The following MAGI2 variants were observed in gnomAD, a reference collection of about 807,000 sequenced individuals.
MAGI2 encodes membrane-associated guanylate kinase, WW and PDZ domain-containing protein 2.
A neutral mutation model predicts 133.3 loss-of-function variants in MAGI2; 35 were observed. The observed-to-expected ratio is 0.26, with a 90% CI of 0.20 to 0.35. The LOEUF is 0.35. MAGI2 is among the 10% of genes least tolerant of loss of function. The pLI is 1.00. For synonymous variants in MAGI2, 729 were observed against 710.6 expected, an observed-to-expected ratio of 1.03 and a Z score of -0.41; for missense variants, 1,636 against 1,863.4, an observed-to-expected ratio of 0.88 and a Z score of 2.25.
rs1357339838 is a variant in MAGI2 at position 78,848,256 on chromosome 7, G to A, written c.418+158834C>T. Among the ~76,000 whole-genome samples, 14 of 151,724 alleles carry A rather than the reference G, an allele frequency of 9.2e-5. No individual in the cohort carries two copies. In the East Asian group the frequency reaches 1.4e-3, roughly 15 times the overall value. The stretch of plus-strand genomic sequence containing the variant: ...TCTAGAGCTCTCCTGAGCCACTGCC[G>A]TCCACCTAGTTGCTCAAGTCCCAAA... On this transcript the variant is annotated intron_variant, in intron 2 of 21. Coordinates refer to ENST00000354212, the MANE Select transcript of MAGI2 (RefSeq NM_012301.4).
intron 1 of MAGI2, among the ~76,000 whole-genome samples, chr7:79,191,591 T>A (rs1021079840): frequency 2.0e-5 from 3 of 151,154 alleles, no homozygotes; most frequent in Non-Finnish European, 3.0e-5. Flanking sequence ...CCTGAACATT[T>A]CTTTTAAAAT....
At chr7:78,444,879 A>G (rs924164420) in intron 6 of MAGI2, among the ~76,000 whole-genome samples, 1 of 146,854 alleles carries the variant, frequency 6.8e-6, no homozygotes, top group African/African-American at 2.5e-5. Flanking sequence ...ATTTATATTT[A>G]TATGTATACA....
chr7:78,195,141 T>C, intron 11 of MAGI2, 78 bp from the exon 12 acceptor site: 2 of 1,243,270 alleles, frequency 1.6e-6, no homozygotes, highest in Non-Finnish European at 1.1e-6. Flanking sequence ...TAGGTTAACC[T>C]TTTTTGCCTT....
chr7:79,064,903 C>T (rs1277865578), intron 1 of MAGI2, among the ~76,000 whole-genome samples: 1 of 152,064 alleles, frequency 6.6e-6, no homozygotes, highest in Non-Finnish European at 1.5e-5. Flanking sequence ...CTCTTTGCCC[C>T]ACTTTGGTCA....
At chr7:79,054,975 T>C (rs1813011259) in intron 1 of MAGI2, among the ~76,000 whole-genome samples, 1 of 152,172 alleles carries the variant, frequency 6.6e-6, no homozygotes, top group South Asian at 2.1e-4. Context: ...GCATTTTTAG[T>C]AAAGACGGGG....
chr7:78,289,733 G>T (rs1345269842), intron 9 of MAGI2, among the ~76,000 whole-genome samples: 8 of 152,282 alleles, frequency 5.3e-5, no homozygotes, highest in African/African-American at 1.7e-4. Context: ...ACAAAAGGAA[G>T]CCCGTCAGAC....
intron 2 of MAGI2, among the ~76,000 whole-genome samples, chr7:78,693,298 A>G (rs1817161409): frequency 6.6e-6 from 1 of 152,148 alleles, no homozygotes; most frequent in Admixed American, 6.5e-5. Flanking sequence ...GGCATTTACT[A>G]TTAGTATTGG....
At chr7:78,620,681 G>A (rs1401970955) in intron 3 of MAGI2, among the ~76,000 whole-genome samples, 1 of 151,958 alleles carries the variant, frequency 6.6e-6, no homozygotes, top group Non-Finnish European at 1.5e-5. Flanking sequence ...TTTGTACTAT[G>A]TTGTGTCAGA....
At chr7:78,475,603 T>C (rs953786696) in intron 6 of MAGI2, among the ~76,000 whole-genome samples, 19 of 151,818 alleles carry the variant, frequency 1.3e-4, no homozygotes, top group Admixed American at 2.0e-4. Context: ...TGAAATTATC[T>C]AGAAATAATA....
intron 2 of MAGI2, among the ~76,000 whole-genome samples, chr7:78,780,779 G>A (rs138151083): frequency 6.2e-4 from 94 of 152,326 alleles, no homozygotes; most frequent in African/African-American, 2.1e-3. Context: ...GGCCATTAGG[G>A]AAACCTGAAC....
intron 12 of MAGI2, among the ~76,000 whole-genome samples, chr7:78,192,132 T>A (rs919966354): frequency 2.0e-5 from 3 of 152,096 alleles, no homozygotes; most frequent in Admixed American, 2.0e-4. Context: ...AAGGACACCA[T>A]GAGATCACTA....
chr7:79,002,934 C>T lies in MAGI2; in HGVS notation c.418+4156G>A, dbSNP rs1313395517. ...TGTTTTTTTTTTTTTTAGAATTAGGCGGGCTCTGAGATAAGGTTCTAGGGA... is the reference window on the plus strand; with the variant it reads ...TGTTTTTTTTTTTTTTAGAATTAGGTGGGCTCTGAGATAAGGTTCTAGGGA... On this transcript the variant is annotated intron_variant, in intron 2 of 21. Transcript: ENST00000354212. Among the ~76,000 whole-genome samples the T allele has an allele frequency of 4.3e-5, 6 of 139,580 alleles. No individual in the cohort carries two copies. In the South Asian group the frequency reaches 8.9e-4, roughly 21 times the overall value. The allele number at this position is 139,580 out of a possible 152,430, so 91.6% of individuals were successfully genotyped here.
chr7:78,967,095 G>T (rs554463991), intron 2 of MAGI2, among the ~76,000 whole-genome samples: 15 of 151,646 alleles, frequency 9.9e-5, no homozygotes, highest in African/African-American at 3.4e-4. Context: ...ACAGCATCTT[G>T]CTGGTCTAAC....
rs963100916 is a variant in MAGI2 at position 79,173,882 on chromosome 7, A to G, written c.302-166676T>C. On this transcript the variant is annotated intron_variant, in intron 1 of 21. Coordinates refer to ENST00000354212, the MANE Select transcript of MAGI2 (RefSeq NM_012301.4). Reference sequence around the variant, plus strand: ...AGAATATCAGAACTCAAAATAAGATAAGGTACAGATCACCAGAGAAGAATT... The same window carrying G: ...AGAATATCAGAACTCAAAATAAGATGAGGTACAGATCACCAGAGAAGAATT... Among the ~76,000 whole-genome samples, 3 of 152,144 alleles carry G rather than the reference A, an allele frequency of 2.0e-5. 1 individual carries two copies. The highest frequency in any genetic ancestry group is 4.1e-4 in the South Asian group (2 of 4,832).
intron 3 of MAGI2, among the ~76,000 whole-genome samples, chr7:78,592,440 A>G (rs1804110892): frequency 1.3e-5 from 2 of 152,086 alleles, no homozygotes; most frequent in African/African-American, 4.8e-5. Context: ...GGGTTAGCAC[A>G]AAAGCAGCCA....
intron 2 of MAGI2, among the ~76,000 whole-genome samples, chr7:78,879,389 C>T (rs1017852449): frequency 6.6e-6 from 1 of 152,146 alleles, no homozygotes; most frequent in East Asian, 1.9e-4. Flanking sequence ...CTGGCTCTTA[C>T]CCATCAGTGC....
intron 2 of MAGI2, among the ~76,000 whole-genome samples, chr7:78,650,975 G>T (rs1811499032): frequency 6.6e-6 from 1 of 152,136 alleles, no homozygotes; most frequent in South Asian, 2.1e-4. Flanking sequence ...TCTCAGTGGT[G>T]ATTTGAGGCG....
At chr7:78,555,542 T>C (rs1799749172) in intron 3 of MAGI2, among the ~76,000 whole-genome samples, 1 of 152,184 alleles carries the variant, frequency 6.6e-6, no homozygotes, top group Admixed American at 6.5e-5. Context: ...TATTACAAAA[T>C]TAAACTAGCC....
At chr7:78,234,210 T>G (rs895140030) in intron 10 of MAGI2, among the ~76,000 whole-genome samples, 13 of 152,214 alleles carry the variant, frequency 8.5e-5, no homozygotes, top group Admixed American at 7.9e-4. Flanking sequence ...CTTCCCTTGT[T>G]AAATTGTATT....
Sources: gnomAD v4.1 joint callset for allele counts (sites outside exome capture counted in the v4.1 genomes callset) on GRCh38, gnomAD v4.1.1 for gene constraint, MANE v1.5 for transcripts, NCBI Gene and HGNC (gene_info 2026-07-23, HGNC 2026-07-21) for gene names.